ITGA9: variants seen among roughly 807,000 people sequenced by gnomAD.
ITGA9 encodes integrin subunit alpha 9, also known as integrin alpha-9.
ITGA9 carries 56 observed loss-of-function variants against 127.8 expected under a neutral mutation model. That is an observed-to-expected ratio of 0.44 (90% CI 0.35 to 0.55). The LOEUF (loss-of-function observed/expected upper bound fraction) is 0.55. Among genes scored for constraint, ITGA9 ranks in the 20% least tolerant of loss-of-function variants. ITGA9 has a pLI of 0.00. For missense variants in ITGA9, 1,196 were observed against 1,347.1 expected (o/e 0.89, Z 1.76); for synonymous variants, 508 against 514.5 (o/e 0.99, Z 0.17).
chr3:37,681,026 C>G (rs1001033144), intron 17 of ITGA9, among the ~76,000 whole-genome samples: 2 of 152,118 alleles, frequency 1.3e-5, no homozygotes, highest in African/African-American at 4.8e-5. Context: ...TGTTGATGTG[C>G]CAGACATGCA....
intron 17 of ITGA9, among the ~76,000 whole-genome samples, chr3:37,677,107 A>G (rs1041985826): frequency 6.6e-6 from 1 of 152,128 alleles, no homozygotes; most frequent in Non-Finnish European, 1.5e-5. Context: ...GGTCTTATCA[A>G]CTTCATGGTT....
At chr3:37,665,436 C>G (rs1267718395) in intron 17 of ITGA9, among the ~76,000 whole-genome samples, 2 of 152,082 alleles carry the variant, frequency 1.3e-5, no homozygotes, top group Non-Finnish European at 2.9e-5. Flanking sequence ...CAAGTGTTTG[C>G]CGTTTCTCTG....
intron 18 of ITGA9, among the ~76,000 whole-genome samples, chr3:37,702,922 G>A (rs1442752193): frequency 6.6e-6 from 1 of 152,014 alleles, no homozygotes; most frequent in African/African-American, 2.4e-5. Flanking sequence ...AAACCCAAAG[G>A]TGGGTCACAT....
intron 18 of ITGA9, among the ~76,000 whole-genome samples, chr3:37,718,526 G>C (rs908581544): frequency 6.6e-6 from 1 of 152,192 alleles, no homozygotes; most frequent in Non-Finnish European, 1.5e-5. Flanking sequence ...AAAAATGGCA[G>C]TGGCTACATT....
chr3:37,812,652 G>C (rs57278222), intron 27 of ITGA9, among the ~76,000 whole-genome samples: 27 of 152,356 alleles, frequency 1.8e-4, no homozygotes, highest in African/African-American at 6.5e-4. Flanking sequence ...TGGAGCTGCA[G>C]GACCAGCAGA....
At chr3:37,471,746 A>G (rs182105607) in intron 2 of ITGA9, among the ~76,000 whole-genome samples, 17 of 152,286 alleles carry the variant, frequency 1.1e-4, no homozygotes, top group Non-Finnish European at 1.6e-4. Context: ...ATATGATCAG[A>G]TGGATGTTTT....
At chr3:37,652,071 C>T (rs1157554850) in intron 16 of ITGA9, among the ~76,000 whole-genome samples, 1 of 151,918 alleles carries the variant, frequency 6.6e-6, no homozygotes, top group Non-Finnish European at 1.5e-5. Context: ...CACTAGGGGC[C>T]AGTCCAGGTT....
At chr3:37,503,677 T>C (rs1463380775) in intron 6 of ITGA9, among the ~76,000 whole-genome samples, 1 of 152,230 alleles carries the variant, frequency 6.6e-6, no homozygotes, top group Non-Finnish European at 1.5e-5. Flanking sequence ...GTCCTTGCTT[T>C]CTGATCACAA....
rs1263990454 is a variant in ITGA9 at position 37,821,985 on chromosome 3, T to G, written c.*2996T>G. 1.3e-5 allele frequency: 2 copies of G among 152,010 alleles called. No individual in the cohort carries two copies. Among genetic ancestry groups the G allele is most frequent in the Admixed American group, 6.6e-5 (1 of 15,264 alleles). The allele number at this position is 152,010 out of a possible 1,614,324, so 9.4% of individuals were successfully genotyped here. On this transcript the variant is annotated 3_prime_UTR_variant, in exon 28 of 28. Coordinates refer to ENST00000264741, the MANE Select transcript of ITGA9 (RefSeq NM_002207.3). The stretch of plus-strand genomic sequence containing the variant: ...GAGAAGTCAAGCATATCGTTAGCGC[T>G]CTCTCAACTTGGGCAGTTCACAAGC...
At chr3:37,527,075 T>C (rs941342033) in intron 13 of ITGA9, among the ~76,000 whole-genome samples, 1 of 152,168 alleles carries the variant, frequency 6.6e-6, no homozygotes, top group Non-Finnish European at 1.5e-5. Context: ...ACTAGGTGAG[T>C]TTCCTGGGCA....
chr3:37,487,331 A>T (rs171965), intron 4 of ITGA9, among the ~76,000 whole-genome samples: 99,242 of 151,970 alleles, frequency 0.65, 32,553 homozygotes, highest in Middle Eastern at 0.73. Context: ...GAAGGGAGGG[A>T]GGCCCCAGAG....
chr3:37,678,959 A>C (rs1283933023), intron 17 of ITGA9, among the ~76,000 whole-genome samples: 2 of 152,216 alleles, frequency 1.3e-5, no homozygotes, highest in African/African-American at 4.8e-5. Flanking sequence ...AATTGGTGCT[A>C]AACTTAAGTA....
intron 18 of ITGA9, among the ~76,000 whole-genome samples, chr3:37,722,338 C>A (rs1701198907): frequency 6.6e-6 from 1 of 152,194 alleles, no homozygotes; most frequent in Admixed American, 6.5e-5. Flanking sequence ...ATGCAATTAA[C>A]CCTTTTAATG....
In ITGA9 at chr3:37,777,393, T is replaced by C; in HGVS notation, c.2543T>C (p.Val848Ala). 6.2e-7 allele frequency: 1 copy of C among 1,614,108 alleles called. No homozygotes were observed. Reference sequence around the variant, plus strand: ...TGACAGGCCTCTTTTCATTTGCAGGTGGGCCAAGAGAAGGGAAACTGCTCT... The same window carrying C: ...TGACAGGCCTCTTTTCATTTGCAGGCGGGCCAAGAGAAGGGAAACTGCTCT... ...AEMFHVQEMV[V>A]GQEKGNCSFQ... The change falls in exon 24 of 28, where the codon GTG becomes GCG. Residue 848 changes from valine to alanine, a missense_variant and splice_region_variant. Coordinates refer to ENST00000264741, the MANE Select transcript of ITGA9 (RefSeq NM_002207.3).
At chr3:37,673,958 A>C (rs1364228723) in intron 17 of ITGA9, among the ~76,000 whole-genome samples, 3 of 152,184 alleles carry the variant, frequency 2.0e-5, no homozygotes, top group Non-Finnish European at 4.4e-5. Context: ...TTCTAGCTCC[A>C]TTACAGAGAT....
Position 37,710,425 on chromosome 3 carries a change from G to C in ITGA9, c.2068-22287G>C, listed in dbSNP as rs190864379. Among the ~76,000 whole-genome samples the C allele has an allele frequency of 4.7e-3, 718 of 151,928 alleles. 9 individuals are homozygous for C. The highest frequency in any genetic ancestry group is 0.029 in the South Asian group (141 of 4,800). On this transcript the variant is annotated intron_variant, in intron 18 of 27. Transcript: ENST00000264741. ...TCCCCCCCCCACACACATAAATAGA[G>C]AACAATAAAAGATAACGTCGGAGGA...
chr3:37,736,905 A>G lies in ITGA9; in HGVS notation c.2156A>G (p.Tyr719Cys), dbSNP rs185401070. ...GFPFMRSKSK[Y>C]EFSVIFDTSH... ...AAATACCACTTCCTTTTTCACTAGT[A>G]TGAATTCAGCGTGATCTTTGATACA... Residue 719 changes from tyrosine to cysteine, a missense_variant and splice_region_variant, in exon 20 of 28, where the codon TAT (tyrosine) becomes TGT (cysteine). Physicochemically the swap from Tyr to Cys is radical, Grantham distance 194. Coordinates refer to ENST00000264741, the MANE Select transcript of ITGA9 (RefSeq NM_002207.3). 8.1e-6 allele frequency: 13 copies of G among 1,609,266 alleles called. No individual in the cohort carries two copies. The highest frequency in any genetic ancestry group is 6.6e-5 in the South Asian group (6 of 90,988).
intron 14 of ITGA9, among the ~76,000 whole-genome samples, chr3:37,538,693 G>A (rs1202155455): frequency 6.6e-6 from 1 of 152,196 alleles, no homozygotes; most frequent in Non-Finnish European, 1.5e-5. Context: ...TTTACCAGTG[G>A]GTGCTGGTAA....
chr3:37,714,631 G>C (rs1364320214), intron 18 of ITGA9, among the ~76,000 whole-genome samples: 6 of 152,100 alleles, frequency 3.9e-5, no homozygotes, highest in African/African-American at 1.2e-4. Flanking sequence ...ATCTACATCA[G>C]TGCCACTCAA....
Sources: gnomAD v4.1 joint callset for allele counts (sites outside exome capture counted in the v4.1 genomes callset) on GRCh38, gnomAD v4.1.1 for gene constraint, MANE v1.5 for transcripts, NCBI Gene and HGNC (gene_info 2026-07-23, HGNC 2026-07-21) for gene names.